ATP6V1B2: variants seen among roughly 807,000 people sequenced by gnomAD.
ATP6V1B2 encodes V-type proton ATPase subunit B, brain isoform.
ATP6V1B2 carries 23 observed loss-of-function variants against 66.7 expected under a neutral mutation model. The ratio of observed to expected loss-of-function variants is 0.34; its 90% CI spans 0.25 to 0.49. The LOEUF (loss-of-function observed/expected upper bound fraction) is 0.49. Among genes scored for constraint, ATP6V1B2 ranks in the 20% least tolerant of loss-of-function variants. The pLI, the probability that ATP6V1B2 is intolerant of heterozygous loss-of-function variation, is 0.99. For synonymous variants in ATP6V1B2, 278 were observed against 236.7 expected, an observed-to-expected ratio of 1.17 and a Z score of -1.60; for missense variants, 478 against 650.8, an observed-to-expected ratio of 0.73 and a Z score of 2.89.
chr8:20,204,442 G>C (rs1156863801), intron 1 of ATP6V1B2, 42 bp from the exon 2 acceptor site: 2 of 1,557,732 alleles, frequency 1.3e-6, no homozygotes, highest in East Asian at 2.2e-5. Flanking sequence ...TTAAGCTTTT[G>C]TGCTATTTGA....
At position 20,198,425 on chromosome 8, in the gene ATP6V1B2, G is replaced by T. The variant is rs148978629; in HGVS notation, c.136+883G>T. Reference sequence around the variant, plus strand: ...ATGTTGTGATTTTTTAAATAAAAAGGCCTTAATGAACTAGGTTTAAGTGGA... The same window carrying T: ...ATGTTGTGATTTTTTAAATAAAAAGTCCTTAATGAACTAGGTTTAAGTGGA... On this transcript the variant is annotated intron_variant, in intron 1 of 13. Coordinates refer to ENST00000276390, the MANE Select transcript of ATP6V1B2 (RefSeq NM_001693.4). Among the ~76,000 whole-genome samples the T allele has an allele frequency of 1.7e-3, 264 of 152,312 alleles. 1 individual carries two copies. The highest frequency in any genetic ancestry group is 6.2e-3 in the African/African-American group (256 of 41,562).
At chr8:20,211,487 C>T in intron 6 of ATP6V1B2, 165 bp from the exon 7 acceptor site, 1 of 1,263,284 alleles carries the variant, frequency 7.9e-7, no homozygotes, top group Non-Finnish European at 1.1e-6. Flanking sequence ...CTTGCTTACC[C>T]TTGCATATCT....
In ATP6V1B2 at chr8:20,220,505, T is replaced by C; in HGVS notation, c.*103T>C. On this transcript the variant is annotated 3_prime_UTR_variant, in exon 14 of 14. Coordinates refer to ENST00000276390, the MANE Select transcript of ATP6V1B2 (RefSeq NM_001693.4). ...CACCTTTGTGTTGGAGTTTACCATG[T>C]TACCCTGTAATTAAAAACAAAGAAT... is the stretch of plus-strand genomic sequence containing the variant. 1 of 1,408,662 alleles carries C rather than the reference T, an allele frequency of 7.1e-7. No homozygotes were observed. The highest frequency in any genetic ancestry group is 9.4e-7 in the Non-Finnish European group (1 of 1,069,188). 87.3% of individuals were successfully genotyped at this position (1,408,662 alleles called of 1,614,324 possible).
intron 2 of ATP6V1B2, among the ~76,000 whole-genome samples, chr8:20,204,969 A>G (rs969678104): frequency 1.7e-4 from 26 of 152,152 alleles, no homozygotes; most frequent in African/African-American, 5.1e-4. Flanking sequence ...CTAAGGTAAT[A>G]TCTTTCTGTA....
At chr8:20,216,103 G>A (rs1007115206) in intron 10 of ATP6V1B2, 13 of 195,270 alleles carry the variant, frequency 6.7e-5, no homozygotes, top group African/African-American at 3.0e-4. Context: ...AAACTGGCCA[G>A]TATGGTTGCC....
chr8:20,210,688 CCT>C (rs776157963), intron 5 of ATP6V1B2, 42 bp downstream of exon 5: 1 of 1,556,800 alleles, frequency 6.4e-7, no homozygotes, highest in Non-Finnish European at 8.9e-7. Context: ...GAGAAAATAA[CCT>C]CACTCTGTCT....
chr8:20,220,546 C>A lies in ATP6V1B2; in HGVS notation c.*144C>A. 2 of 1,203,754 alleles carry A rather than the reference C, an allele frequency of 1.7e-6. No homozygotes were observed. Among genetic ancestry groups the A allele is most frequent in the Non-Finnish European group, 2.2e-6 (2 of 908,878 alleles). 74.6% of individuals were successfully genotyped at this position (1,203,754 alleles called of 1,614,324 possible). ...AACAAAGAATAGGTAACATATTGTG[C>A]CAGTGTTGCAACGTTTTAAACTGCT... On this transcript the variant is annotated 3_prime_UTR_variant, in exon 14 of 14. Coordinates refer to ENST00000276390, the MANE Select transcript of ATP6V1B2 (RefSeq NM_001693.4).
At chr8:20,213,852 G>T (rs1198623141) in intron 9 of ATP6V1B2, 2 of 152,104 alleles carry the variant, frequency 1.3e-5, no homozygotes, top group African/African-American at 4.8e-5. Context: ...TCAAGGACTA[G>T]TTTTTCTCCC....
At chr8:20,215,062 C>T (rs2072839610) in intron 10 of ATP6V1B2, 94 bp downstream of exon 10, 2 of 1,334,064 alleles carry the variant, frequency 1.5e-6, no homozygotes, top group Non-Finnish European at 2.0e-6. Flanking sequence ...TTTGAGAACA[C>T]ATCCCCTAAG....
rs762637201 is a variant in ATP6V1B2, at chr8:20,197,438, A to G, written c.32A>G (p.Asn11Ser). Residue 11 changes from asparagine (N) to serine (S), a missense_variant, in exon 1 of 14, where the codon AAC becomes AGC. By Grantham distance (46) the Asn-to-Ser change is conservative (BLOSUM62 1). Around this residue, in one of 2 missense-constraint regions of ATP6V1B2, gnomAD observed 152 missense variants for 105.2 expected, o/e 1.44. Transcript: ENST00000276390. ...CTGCGGGCGATGCGGGGGATTGTCA[A>G]CGGGGCCGCACCCGAGCTACCCGTG... The part of the protein sequence containing the change: MALRAMRGIV[N>S]GAAPELPVPT... 237 of 1,544,684 alleles carry G rather than the reference A, an allele frequency of 1.5e-4. No homozygotes were observed. Among genetic ancestry groups the G allele is most frequent in the Non-Finnish European group, 2.0e-4 (233 of 1,146,590 alleles).
At chr8:20,218,088 A>G (rs1051680097) in intron 12 of ATP6V1B2, 65 bp from the exon 13 acceptor site, 2 of 1,582,356 alleles carry the variant, frequency 1.3e-6, no homozygotes, top group African/African-American at 1.4e-5. Context: ...GTACATTCCT[A>G]TATCCCAGAT....
intron 1 of ATP6V1B2, among the ~76,000 whole-genome samples, chr8:20,199,617 T>C (rs1244978296): frequency 6.9e-6 from 1 of 144,972 alleles, no homozygotes; most frequent in Non-Finnish European, 1.5e-5. Flanking sequence ...TTTTTTTTTT[T>C]TTTTTTTTTG....
chr8:20,201,183 A>G (rs1449131270), intron 1 of ATP6V1B2, among the ~76,000 whole-genome samples: 2 of 152,248 alleles, frequency 1.3e-5, no homozygotes, highest in Non-Finnish European at 2.9e-5. Flanking sequence ...ATAAGCATAT[A>G]TCTTCTGTGT....
intron 11 of ATP6V1B2, 36 bp from the exon 12 acceptor site, chr8:20,217,184 T>G: frequency 6.5e-7 from 1 of 1,533,242 alleles, no homozygotes; most frequent in Non-Finnish European, 9.0e-7. Flanking sequence ...GTTTTGTACT[T>G]AAATATAGTA....
Position 20,210,081 on chromosome 8 carries a change from CAT to C in ATP6V1B2, c.292-256_292-255del, listed in dbSNP as rs960016819. Among the ~76,000 whole-genome samples the C allele has an allele frequency of 3.9e-4, 57 of 146,236 alleles. 1 individual carries two copies. Among genetic ancestry groups the C allele is most frequent in the Non-Finnish European group, 4.6e-4 (31 of 66,754 alleles). On this transcript the variant is annotated intron_variant, in intron 3 of 13. Coordinates refer to ENST00000276390, the MANE Select transcript of ATP6V1B2 (RefSeq NM_001693.4). ...TTTAAAAAATATATATATATATAAACATATATATATTTATATATTTATATTTA... is the reference window on the plus strand; with the variant it reads ...TTTAAAAAATATATATATATATAAACATATATATTTATATATTTATATTTA...
intron 11 of ATP6V1B2, chr8:20,216,987 G>A (rs1031549108): frequency 2.5e-5 from 13 of 512,120 alleles, no homozygotes; most frequent in Middle Eastern, 1.1e-3. Context: ...GTCTTGTACA[G>A]TGTTATAGAT....
At chr8:20,211,534 C>A (rs2072793071) in intron 6 of ATP6V1B2, 118 bp from the exon 7 acceptor site, 1 of 1,284,248 alleles carries the variant, frequency 7.8e-7, no homozygotes, top group Non-Finnish European at 1.1e-6. Context: ...TGAATGAATA[C>A]CCTAAAACAT....
intron 1 of ATP6V1B2, among the ~76,000 whole-genome samples, chr8:20,201,842 G>A (rs541094897): frequency 2.6e-5 from 4 of 152,260 alleles, no homozygotes; most frequent in African/African-American, 9.6e-5. Flanking sequence ...TGGAGGGGCC[G>A]CATCTGGTGA....
At chr8:20,218,361 C>G in intron 13 of ATP6V1B2, 79 bp downstream of exon 13, 1 of 1,547,778 alleles carries the variant, frequency 6.5e-7, no homozygotes, top group South Asian at 1.2e-5. Context: ...TAAGAAAATT[C>G]TCATTGGTTT....
Sources: gnomAD v4.1 joint callset for allele counts (sites outside exome capture counted in the v4.1 genomes callset) on GRCh38, gnomAD v4.1.1 for gene constraint, gnomAD v4.1.1 regional missense constraint, MANE v1.5 for transcripts, NCBI Gene and HGNC (gene_info 2026-07-23, HGNC 2026-07-21) for gene names.